CEP89: variants seen among roughly 807,000 people sequenced by gnomAD.
The protein encoded by CEP89 is centrosomal protein 89.
A neutral mutation model predicts 97.6 loss-of-function variants in CEP89; 95 were observed. That is an observed-to-expected ratio of 0.97 (90% CI 0.82 to 1.15). CEP89 has a LOEUF of 1.15. CEP89 is among the 50% of genes most tolerant of loss of function. CEP89 has a pLI of 0.00. For missense variants in CEP89, 869 were observed against 947.7 expected (o/e 0.92, Z 1.09); for synonymous variants, 354 against 349.1 (o/e 1.01, Z -0.16).
chr19:32,950,094 AT>A (rs569298834), intron 4 of CEP89, among the ~76,000 whole-genome samples: 325 of 151,250 alleles, frequency 2.1e-3, no homozygotes, highest in Middle Eastern at 3.4e-3. Flanking sequence ...TCCTCAAATG[AT>A]CCTCCCACCT....
intron 16 of CEP89, among the ~76,000 whole-genome samples, chr19:32,889,137 T>G (rs1969462030): frequency 6.6e-6 from 1 of 152,028 alleles, no homozygotes; most frequent in South Asian, 2.1e-4. Context: ...CGTGGCTCAG[T>G]CCTAGGACAG....
chr19:32,943,310 T>C lies in CEP89; in HGVS notation c.596-3425A>G, dbSNP rs78461984. On this transcript the variant is annotated intron_variant, in intron 5 of 18. Coordinates refer to ENST00000305768, the MANE Select transcript of CEP89 (RefSeq NM_032816.5). Reference sequence around the variant, plus strand: ...CTGTGCCTGGCCCTATTCCAATCTTTATAGAAAGAAAATTCACATGACATG... The same window carrying C: ...CTGTGCCTGGCCCTATTCCAATCTTCATAGAAAGAAAATTCACATGACATG... Among the ~76,000 whole-genome samples the C allele has an allele frequency of 8.8e-3, 1,345 of 152,300 alleles. 23 individuals are homozygous for C. The highest frequency in any genetic ancestry group is 0.031 in the African/African-American group (1,290 of 41,560).
chr19:32,951,477 C>T (rs1970909344), intron 4 of CEP89, among the ~76,000 whole-genome samples: 1 of 150,750 alleles, frequency 6.6e-6, no homozygotes, highest in African/African-American at 2.5e-5. Context: ...CAGAGCAAGA[C>T]TCTGTCTCAA....
chr19:32,925,380 T>G (rs1970333624), intron 11 of CEP89, among the ~76,000 whole-genome samples: 1 of 151,790 alleles, frequency 6.6e-6, no homozygotes, highest in South Asian at 2.1e-4. Flanking sequence ...TTCCAACAGC[T>G]CAGCAATCAG....
chr19:32,894,144 T>C (rs555525601), intron 16 of CEP89, among the ~76,000 whole-genome samples: 1 of 152,288 alleles, frequency 6.6e-6, no homozygotes, highest in Admixed American at 6.5e-5. Context: ...CTGGGCAACA[T>C]AGTGAAAATC....
chr19:32,915,841 C>T (rs905627156), intron 13 of CEP89, among the ~76,000 whole-genome samples: 10 of 150,382 alleles, frequency 6.6e-5, no homozygotes, highest in South Asian at 2.1e-4. Flanking sequence ...TCACTTGAAC[C>T]CAGGAGGCGA....
intron 1 of CEP89, chr19:32,970,650 C>T (rs1415877867): frequency 6.6e-6 from 1 of 152,194 alleles, no homozygotes; most frequent in Non-Finnish European, 1.5e-5. Flanking sequence ...GTGCCCACCA[C>T]CACGCCCGCT....
intron 9 of CEP89, among the ~76,000 whole-genome samples, chr19:32,930,692 A>T (rs1970453616): frequency 2.0e-5 from 3 of 152,096 alleles, no homozygotes; most frequent in South Asian, 4.1e-4. Context: ...GCATCGGTTC[A>T]TCTGGCACTC....
rs1349950405 is a variant in CEP89 at position 32,878,905 on chromosome 19, T to C, written c.*257A>G. ...ATCTCAAACATGTTTGAGGCTGCCG[T>C]GAGCTATGATTGCACCACTGTACTC... On this transcript the variant is annotated 3_prime_UTR_variant, in exon 19 of 19. Transcript: ENST00000305768. 5 of 351,604 alleles carry C rather than the reference T, an allele frequency of 1.4e-5. No homozygotes were observed. Among genetic ancestry groups the C allele is most frequent in the African/African-American group, 1.1e-4 (5 of 47,240 alleles). 21.8% of individuals were successfully genotyped at this position (351,604 alleles called of 1,614,324 possible).
rs149139026 is a variant in CEP89, at chr19:32,894,567, G to T, written c.1875+5290C>A. Among the ~76,000 whole-genome samples the T allele has an allele frequency of 2.5e-3, 378 of 152,310 alleles. 2 individuals carry two copies. The highest frequency in any genetic ancestry group is 8.6e-3 in the African/African-American group (356 of 41,576). ...TCCTGCATGTACAGCTAGGCACAAGGTTTAGCTTACAGTGAGCTTTTCCTC... is the reference window on the plus strand; with the variant it reads ...TCCTGCATGTACAGCTAGGCACAAGTTTTAGCTTACAGTGAGCTTTTCCTC... On this transcript the variant is annotated intron_variant, in intron 16 of 18. Coordinates refer to ENST00000305768, the MANE Select transcript of CEP89 (RefSeq NM_032816.5).
intron 16 of CEP89, 45 bp from the exon 17 acceptor site, chr19:32,887,886 T>C (rs780020513): frequency 9.0e-7 from 1 of 1,106,492 alleles, no homozygotes; most frequent in Non-Finnish European, 1.4e-6. Flanking sequence ...TACAGAAAAA[T>C]TGAAATAACA....
At chr19:32,955,143 C>A (rs948362635) in intron 3 of CEP89, among the ~76,000 whole-genome samples, 2 of 151,620 alleles carry the variant, frequency 1.3e-5, no homozygotes, top group Admixed American at 6.6e-5. Context: ...CTCCACCATA[C>A]CCAGCTAATT....
intron 7 of CEP89, among the ~76,000 whole-genome samples, chr19:32,935,386 G>A (rs965129064): frequency 3.3e-5 from 5 of 152,144 alleles, no homozygotes; most frequent in African/African-American, 1.2e-4. Flanking sequence ...AGAAGAGAAG[G>A]GGCTGCAACA....
At chr19:32,945,913 G>C (rs944362200) in intron 5 of CEP89, among the ~76,000 whole-genome samples, 1 of 152,096 alleles carries the variant, frequency 6.6e-6, no homozygotes, top group African/African-American at 2.4e-5. Flanking sequence ...CAAACTTCTT[G>C]GCCACCCGGC....
In CEP89 at chr19:32,901,285, CT is replaced by C. The variant is rs770439772; in HGVS notation, c.1692del (p.Ala565HisfsTer51). On this transcript the variant is annotated frameshift_variant, in exon 15 of 19. Transcript: ENST00000305768. LOFTEE classifies it high-confidence loss of function. ...LEKNSLTEQN[K>X]ALEAELERAQ... Reference sequence around the variant, plus strand: ...GCTCGTTCAAGTTCGGCTTCCAGTGCTTTGTTTTGCTCTGTCAAACTGTTCT... The same window carrying C: ...GCTCGTTCAAGTTCGGCTTCCAGTGCTTGTTTTGCTCTGTCAAACTGTTCT... 1.8e-5 allele frequency: 29 copies of C among 1,613,854 alleles called. No individual in the cohort carries two copies. Among genetic ancestry groups the C allele is most frequent in the Admixed American group, 1.7e-5 (1 of 59,914 alleles).
chr19:32,918,994 C>T (rs1970192971), intron 12 of CEP89, among the ~76,000 whole-genome samples: 1 of 150,690 alleles, frequency 6.6e-6, no homozygotes, highest in Non-Finnish European at 1.5e-5. Context: ...ACATCATTCT[C>T]CTGCCTCAGC....
chr19:32,882,263 G>A (rs775725205), intron 17 of CEP89, among the ~76,000 whole-genome samples: 8 of 152,248 alleles, frequency 5.3e-5, no homozygotes, highest in Non-Finnish European at 1.0e-4. Flanking sequence ...ATAAATAAAT[G>A]AAAACATAAA....
chr19:32,966,500 T>C (rs763711159), intron 1 of CEP89, 34 bp from the exon 2 acceptor site: 3 of 1,358,654 alleles, frequency 2.2e-6, no homozygotes, highest in Non-Finnish European at 3.0e-6. Flanking sequence ...AGTCACTGGG[T>C]TGGGTCACTG....
At chr19:32,907,639 A>G (rs1478586893) in intron 14 of CEP89, among the ~76,000 whole-genome samples, 1 of 152,102 alleles carries the variant, frequency 6.6e-6, no homozygotes, top group Non-Finnish European at 1.5e-5. Flanking sequence ...TTTAGTAGAG[A>G]TGGCGTTTCA....
Sources: gnomAD v4.1 joint callset for allele counts (sites outside exome capture counted in the v4.1 genomes callset) on GRCh38, gnomAD v4.1.1 for gene constraint, MANE v1.5 for transcripts, NCBI Gene and HGNC (gene_info 2026-07-23, HGNC 2026-07-21) for gene names.